DPF2: variants seen among roughly 807,000 people sequenced by gnomAD.
The protein encoded by DPF2 is double PHD fingers 2, also known as zinc finger protein ubi-d4.
DPF2 carries 10 observed loss-of-function variants against 59.6 expected under a neutral mutation model. The observed-to-expected ratio is 0.17, with a 90% CI of 0.10 to 0.28. The LOEUF is 0.28. Among genes scored for constraint, DPF2 ranks in the 10% least tolerant of loss-of-function variants. The pLI, the probability that DPF2 is intolerant of heterozygous loss-of-function variation, is 1.00. For synonymous variants in DPF2, 189 were observed against 190.6 expected, an observed-to-expected ratio of 0.99 and a Z score of 0.07; for missense variants, 315 against 509.4, an observed-to-expected ratio of 0.62 and a Z score of 3.67.
rs767888485 is a variant in DPF2, at chr11:65,340,372, A to G, written c.33-13A>G. The G allele has an allele frequency of 1.8e-5, 29 of 1,613,306 alleles. 1 individual carries two copies. The highest frequency in any genetic ancestry group is 4.4e-5 in the South Asian group (4 of 91,072). On this transcript the variant is annotated splice_polypyrimidine_tract_variant and intron_variant, in intron 1 of 10. Transcript: ENST00000528416. ...GCTCCAACATACACGCCTGATTTCTATCTTCCCTGCAGCCTTGGGGAGCAG... is the reference window on the plus strand; with the variant it reads ...GCTCCAACATACACGCCTGATTTCTGTCTTCCCTGCAGCCTTGGGGAGCAG...
At chr11:65,335,155 C>G (rs528011056) in intron 1 of DPF2, among the ~76,000 whole-genome samples, 1 of 149,206 alleles carries the variant, frequency 6.7e-6, no homozygotes, top group South Asian at 2.2e-4. Context: ...ACGCTATTGT[C>G]TTTCTCTCTG....
rs1480124466 is a variant in DPF2 at position 65,353,992 on chromosome 11, C to T, written c.*2233C>T. Among the ~76,000 whole-genome samples, 2 of 152,032 alleles carry T rather than the reference C, an allele frequency of 1.3e-5. No individual in the cohort carries two copies. Among genetic ancestry groups the T allele is most frequent in the African/African-American group, 2.4e-5 (1 of 41,384 alleles). On this transcript the variant is annotated 3_prime_UTR_variant, in exon 11 of 11. Transcript: ENST00000528416. ...GGTGAGGAAATTTAGGAAGGGTTTG[C>T]GGGAGGTAGGATTTGAGATGGGTCT...
intron 1 of DPF2, among the ~76,000 whole-genome samples, chr11:65,337,545 A>G (rs189777570): frequency 1.7e-4 from 23 of 136,930 alleles, no homozygotes; most frequent in East Asian, 4.3e-4. Flanking sequence ...AGAGAGAGAG[A>G]GAACAATGTT....
At chr11:65,346,790 G>C (rs1479674870) in intron 9 of DPF2, 2 of 157,658 alleles carry the variant, frequency 1.3e-5, no homozygotes, top group African/African-American at 4.8e-5. Flanking sequence ...ATACCAAGGA[G>C]CCAGTCAAGA....
chr11:65,334,484 G>C (rs1950070330), intron 1 of DPF2, among the ~76,000 whole-genome samples: 1 of 152,258 alleles, frequency 6.6e-6, no homozygotes, highest in Admixed American at 6.5e-5. Context: ...AGCGGATCCA[G>C]AAGGGAAGGA....
In DPF2 at chr11:65,353,617, G is replaced by A. The variant is rs1854786812; in HGVS notation, c.*1858G>A. Among the ~76,000 whole-genome samples the A allele has an allele frequency of 6.6e-6, 1 of 152,228 alleles. No homozygotes were observed. The highest frequency in any genetic ancestry group is 1.5e-5 in the Non-Finnish European group (1 of 68,050). On this transcript the variant is annotated 3_prime_UTR_variant, in exon 11 of 11. Coordinates refer to ENST00000528416, the MANE Select transcript of DPF2 (RefSeq NM_006268.5). ...ATGTGGAGAGCTTACGTGGCAGCGC[G>A]TATGTCTTCAGTGTGTGTTTTAGAA...
At chr11:65,350,636 C>T (rs553548988) in intron 10 of DPF2, among the ~76,000 whole-genome samples, 1 of 151,500 alleles carries the variant, frequency 6.6e-6, no homozygotes, top group Admixed American at 6.6e-5. Context: ...CCCACCTCAG[C>T]TTCCCAAAGT....
intron 3 of DPF2, 57 bp downstream of exon 3, chr11:65,341,130 A>G: frequency 6.4e-7 from 1 of 1,553,392 alleles, no homozygotes; most frequent in South Asian, 1.1e-5. Context: ...AGAGCCTGCT[A>G]ATCACTGTGA....
In DPF2 at chr11:65,333,862, G is replaced by T. The variant is rs753750062; in HGVS notation, c.-25G>T. 1.2e-6 allele frequency: 2 copies of T among 1,613,696 alleles called. No homozygotes were observed. Among genetic ancestry groups the T allele is most frequent in the Admixed American group, 3.3e-5 (2 of 60,022 alleles). ...CGCGCTGCGGACTGTGGGGCTTCTC[G>T]GCCCGAGGCAGAGGAACAGGGAAGA... On this transcript the variant is annotated 5_prime_UTR_variant, in exon 1 of 11. Coordinates refer to ENST00000528416, the MANE Select transcript of DPF2 (RefSeq NM_006268.5).
chr11:65,335,514 A>G lies in DPF2; in HGVS notation c.32+1596A>G, dbSNP rs1167836713. On this transcript the variant is annotated intron_variant, in intron 1 of 10. Coordinates refer to ENST00000528416, the MANE Select transcript of DPF2 (RefSeq NM_006268.5). ...TCATAAGTGAGGGGTTGCCCATTTA[A>G]ACAGAGCGTGACATCTTGTTTCTCT... Among the ~76,000 whole-genome samples the G allele has an allele frequency of 2.6e-5, 4 of 152,290 alleles. No individual in the cohort carries two copies. The East Asian group carries it at 7.7e-4, about 29-fold the overall frequency.
intron 6 of DPF2, chr11:65,344,439 T>TG: frequency 1.3e-6 from 1 of 744,166 alleles, no homozygotes; most frequent in Non-Finnish European, 2.2e-6. Context: ...CTGTCTGCCT[T>TG]GCCCCACTTC....
chr11:65,346,475 C>T lies in DPF2; in HGVS notation c.1017+116C>T, dbSNP rs749013769. 4 of 815,986 alleles carry T rather than the reference C, an allele frequency of 4.9e-6. No individual in the cohort carries two copies. The East Asian group carries it at 8.1e-5, about 17-fold the overall frequency. The allele number at this position is 815,986 out of a possible 1,614,324, so 50.5% of individuals were successfully genotyped here. A position where few individuals can be genotyped will look rare whatever the true frequency, so the allele number is the denominator to read the frequency against. On this transcript the variant is annotated intron_variant, in intron 9 of 10. Transcript: ENST00000528416. Reference sequence around the variant, plus strand: ...AAGGGAGCAGGATCCCTCCCACATGCCACACGCCCCTCCCTAGCATCTCAG... The same window carrying T: ...AAGGGAGCAGGATCCCTCCCACATGTCACACGCCCCTCCCTAGCATCTCAG...
chr11:65,335,743 G>A (rs1950086429), intron 1 of DPF2, among the ~76,000 whole-genome samples: 1 of 152,140 alleles, frequency 6.6e-6, no homozygotes, highest in African/African-American at 2.4e-5. Context: ...TGATTATAGT[G>A]TGCCTAGTCT....
intron 8 of DPF2, 50 bp from the exon 9 acceptor site, chr11:65,346,197 C>T: frequency 6.2e-7 from 1 of 1,602,970 alleles, no homozygotes; most frequent in African/African-American, 1.3e-5. Flanking sequence ...GAGCTCCTCT[C>T]TTCCCCCCGC....
chr11:65,351,791 A>G lies in DPF2; in HGVS notation c.*32A>G, dbSNP rs768537493. The G allele has an allele frequency of 1.2e-5, 19 of 1,603,832 alleles. No individual in the cohort carries two copies. The highest frequency in any genetic ancestry group is 1.6e-5 in the Non-Finnish European group (19 of 1,172,280). ...CACCCACCTGCTCCCCGACATATCT[A>G]AGGCTGTTTCTCTCCTCCACTTCAT... On this transcript the variant is annotated 3_prime_UTR_variant, in exon 11 of 11. Coordinates refer to ENST00000528416, the MANE Select transcript of DPF2 (RefSeq NM_006268.5).
In DPF2 at chr11:65,346,314, C is replaced by A. The variant is rs1305265072; in HGVS notation, c.972C>A (p.Cys324Ter). The A allele has an allele frequency of 6.2e-7, 1 of 1,613,966 alleles. No individual in the cohort carries two copies. The highest frequency in any genetic ancestry group is 1.7e-5 in the Admixed American group (1 of 60,022). ...CAGTGAAGACATACCGCTGGCAGTG[C>A]ATCGAGTGCAAATGTTGCAATATCT... ...MAAVKTYRWQ[C>*]IECKCCNICG... The change falls in exon 9 of 11, where the codon TGC (cysteine) becomes TGA (stop). Residue 324 changes from cysteine to a stop codon, truncating the protein, a stop_gained. Transcript: ENST00000528416. LOFTEE classifies it high-confidence loss of function.
Position 65,351,893 on chromosome 11 carries a change from C to T in DPF2, c.*134C>T. On this transcript the variant is annotated 3_prime_UTR_variant, in exon 11 of 11. Transcript: ENST00000528416. Reference sequence around the variant, plus strand: ...ACCTTGGGGTGGTTGTGCCAGCCTGCCTTTGGCAGCTGCAAGCTGAGGTGG... The same window carrying T: ...ACCTTGGGGTGGTTGTGCCAGCCTGTCTTTGGCAGCTGCAAGCTGAGGTGG... The T allele has an allele frequency of 1.0e-6, 1 of 1,002,874 alleles. No homozygotes were observed. 62.1% of individuals were successfully genotyped at this position (1,002,874 alleles called of 1,614,324 possible). A position where few individuals can be genotyped will look rare whatever the true frequency, so the allele number is the denominator to read the frequency against.
chr11:65,344,183 C>T, intron 6 of DPF2, 114 bp downstream of exon 6: 1 of 1,055,812 alleles, frequency 9.5e-7, no homozygotes, highest in Admixed American at 2.0e-5. Context: ...AACCTGGGCT[C>T]TTGTCCTGCC....
At chr11:65,341,676 C>G in intron 4 of DPF2, 114 bp downstream of exon 4, 1 of 1,432,996 alleles carries the variant, frequency 7.0e-7, no homozygotes, top group Non-Finnish European at 9.4e-7. Context: ...GAAGCAGGCC[C>G]CTGCAGTTCT....
Sources: gnomAD v4.1 joint callset for allele counts (sites outside exome capture counted in the v4.1 genomes callset) on GRCh38, gnomAD v4.1.1 for gene constraint, MANE v1.5 for transcripts, NCBI Gene and HGNC (gene_info 2026-07-23, HGNC 2026-07-21) for gene names.